WDR62: variants seen among roughly 807,000 people sequenced by gnomAD.
The protein encoded by WDR62 is WD repeat domain 62.
In WDR62, 112 loss-of-function variants were observed where a neutral mutation model predicts 160.6. The ratio of observed to expected loss-of-function variants is 0.70; its 90% CI spans 0.60 to 0.82. WDR62 has a LOEUF of 0.82. Ranked by LOEUF, WDR62 falls within the 40% of genes least tolerant of loss-of-function variation. The pLI is 0.00. For missense variants in WDR62, 1,819 were observed against 1,983.8 expected (o/e 0.92, Z 1.58); for synonymous variants, 792 against 815.1 (o/e 0.97, Z 0.48).
Position 36,071,578 on chromosome 19 carries a change from G to C in WDR62, c.905G>C (p.Cys302Ser), listed in dbSNP as rs774396949. 1 of 1,614,230 alleles carries C rather than the reference G, an allele frequency of 6.2e-7. No homozygotes were observed. Among genetic ancestry groups the C allele is most frequent in the African/African-American group, 1.3e-5 (1 of 75,048 alleles). ...NLKVSLSSCLCVSQELIFCGC... is the reference protein window; with the variant it reads ...NLKVSLSSCLSVSQELIFCGC... ...CAGGTCTCCCTGTCTTCCTGCCTCT[G>C]TGTCAGCCAGGAGCTCATCTTCTGT... Residue 302 changes from cysteine to serine, a missense_variant, in exon 8 of 32, where the codon TGT becomes TCT. Cys to Ser is a moderately radical substitution (Grantham distance 112, BLOSUM62 -1). Around this residue, in one of 3 missense-constraint regions of WDR62, gnomAD observed 934 missense variants for 1,157.2 expected, o/e 0.81. Coordinates refer to ENST00000401500, the MANE Select transcript of WDR62 (RefSeq NM_001083961.2).
chr19:36,109,543 G>A (rs1004742307), downstream of WDR62, among the ~76,000 whole-genome samples: 3 of 151,912 alleles, frequency 2.0e-5, no homozygotes, highest in African/African-American at 7.3e-5. Context: ...AGACCAGCCT[G>A]CCCAACATGG....
chr19:36,104,076 G>C, intron 30 of WDR62, 95 bp downstream of exon 30: 3 of 1,476,814 alleles, frequency 2.0e-6, no homozygotes, highest in Non-Finnish European at 2.8e-6. Context: ...TGGCCACAGG[G>C]ACTGTGCCAT....
At chr19:36,102,293 G>A (rs1208034219) in intron 26 of WDR62, 142 bp downstream of exon 26, 31 of 1,244,182 alleles carry the variant, frequency 2.5e-5, no homozygotes, top group Non-Finnish European at 3.1e-5. Context: ...ACGGAGTCTC[G>A]CTCTGTTGCC....
chr19:36,104,515 C>CA lies in WDR62; in HGVS notation c.4154-2dup, dbSNP rs1568373970. 2 of 1,613,638 alleles carry CA rather than the reference C, an allele frequency of 1.2e-6. No homozygotes were observed. The highest frequency in any genetic ancestry group is 1.7e-6 in the Non-Finnish European group (2 of 1,179,876). ...CTTGCTCATTCCCTTCTCTCTACCCCAGGTGCACTTGGTCTGTTACAGGGC... is the reference window on the plus strand; with the variant it reads ...CTTGCTCATTCCCTTCTCTCTACCCCAAGGTGCACTTGGTCTGTTACAGGGC... On this transcript the variant is annotated splice_polypyrimidine_tract_variant and splice_region_variant and intron_variant, in intron 30 of 31. Transcript: ENST00000401500.
chr19:36,102,792 C>G lies in WDR62; in HGVS notation c.3276C>G (p.Phe1092Leu), dbSNP rs551013571. ...AGGCCTCTGAAGCTGAAGACCACTT[C>G]TTCAACCCACGCCTGAGTATCTCCA... is the stretch of plus-strand genomic sequence containing the variant. ...DVEASEAEDH[F>L]FNPRLSISTQ... is the part of the protein sequence containing the mutation. Residue 1092 changes from phenylalanine to leucine, a missense_variant, in exon 27 of 32, where the codon TTC (phenylalanine) becomes TTG (leucine). Transcript: ENST00000401500. 7.4e-6 allele frequency: 12 copies of G among 1,614,234 alleles called. No individual in the cohort carries two copies. In the Admixed American group the frequency reaches 1.7e-4, roughly 22 times the overall value.
intron 24 of WDR62, 131 bp from the exon 25 acceptor site, chr19:36,101,533 T>C: frequency 1.2e-6 from 1 of 823,112 alleles, no homozygotes; most frequent in South Asian, 1.5e-5. Context: ...CCCTTATTCA[T>C]AAAATGGGGG....
At chr19:36,088,348 A>G (rs967971187) in intron 13 of WDR62, among the ~76,000 whole-genome samples, 11 of 152,256 alleles carry the variant, frequency 7.2e-5, no homozygotes, top group Non-Finnish European at 1.2e-4. Context: ...GAATGTTTCT[A>G]ATGCTTACCA....
At chr19:36,109,609 C>T (rs1221938849), downstream of WDR62, among the ~76,000 whole-genome samples, 1 of 151,710 alleles carries the variant, frequency 6.6e-6, no homozygotes, top group Non-Finnish European at 1.5e-5. Context: ...TGGTGCGCAC[C>T]TGTAGTCCCA....
intron 15 of WDR62, among the ~76,000 whole-genome samples, chr19:36,090,138 CA>C (rs1376122428): frequency 1.3e-5 from 2 of 152,162 alleles, no homozygotes; most frequent in African/African-American, 4.8e-5. Flanking sequence ...AGGAGCGAGC[CA>C]GGGGGAGGCA....
chr19:36,069,256 G>A (rs1269176028), intron 7 of WDR62, among the ~76,000 whole-genome samples: 1 of 146,330 alleles, frequency 6.8e-6, no homozygotes, highest in Non-Finnish European at 1.5e-5. Context: ...CGGGCGGAGG[G>A]GCTCCTCACT....
chr19:36,101,750 G>A lies in WDR62; in HGVS notation c.3058G>A (p.Ala1020Thr), dbSNP rs144120866. ...APPPDPAPRF[A>T]TSLPHFPGCA... is the part of the protein sequence containing the mutation. ...GCCTCCTGACCCTGCCCCTCGGTTT[G>A]CCACGTCGCTGCCCCATTTCCCAGG... Residue 1020 changes from alanine (A) to threonine (T), a missense_variant, in exon 25 of 32, where the codon GCC (alanine) becomes ACC (threonine). This residue lies in a region of WDR62 where 770 missense variants were observed against 734.2 expected (regional missense o/e 1.05). Coordinates refer to ENST00000401500, the MANE Select transcript of WDR62 (RefSeq NM_001083961.2). 97 of 1,551,992 alleles carry A rather than the reference G, an allele frequency of 6.3e-5. No individual in the cohort carries two copies. In the African/African-American group the frequency reaches 1.2e-3, roughly 19 times the overall value.
At chr19:36,067,513 G>C in intron 6 of WDR62, 70 bp downstream of exon 6, 1 of 1,605,856 alleles carries the variant, frequency 6.2e-7, no homozygotes, top group Non-Finnish European at 8.5e-7. Flanking sequence ...ATGGTCTCCT[G>C]TTTCTCCCTG....
intron 20 of WDR62, among the ~76,000 whole-genome samples, chr19:36,096,612 G>A (rs1972974927): frequency 6.6e-6 from 1 of 151,938 alleles, no homozygotes; most frequent in South Asian, 2.1e-4. Flanking sequence ...TTGGGAGGCT[G>A]AGGCAGGAGA....
chr19:36,104,015 A>G (rs904702869), intron 30 of WDR62, 34 bp downstream of exon 30: 1 of 1,596,586 alleles, frequency 6.3e-7, no homozygotes, highest in African/African-American at 1.3e-5. Context: ...ACTGTCCCCT[A>G]AGCTCATCCT....
Position 36,067,946 on chromosome 19 carries a change from C to G in WDR62, c.818C>G (p.Ser273Cys). 1 of 1,614,172 alleles carries G rather than the reference C, an allele frequency of 6.2e-7. No homozygotes were observed. Among genetic ancestry groups the G allele is most frequent in the Non-Finnish European group, 8.5e-7 (1 of 1,180,028 alleles). Reference sequence around the variant, plus strand: ...ATGGCGGGCAGTACCTTCTGTGTGTCCTACTCGGGCCTCCTCTGCCAGTTC... The same window carrying G: ...ATGGCGGGCAGTACCTTCTGTGTGTGCTACTCGGGCCTCCTCTGCCAGTTC... ...GRMAGSTFCV[S>C]YSGLLCQFNE... The change falls in exon 7 of 32, where the codon TCC becomes TGC. Residue 273 changes from serine to cysteine, a missense_variant. By Grantham distance (112) the Ser-to-Cys change is moderately radical. This residue lies in a region of WDR62 where 934 missense variants were observed against 1,157.2 expected (regional missense o/e 0.81). Coordinates refer to ENST00000401500, the MANE Select transcript of WDR62 (RefSeq NM_001083961.2).
At chr19:36,067,613 C>T (rs1568330345) in intron 6 of WDR62, among the ~76,000 whole-genome samples, 170 bp downstream of exon 6, 1 of 152,228 alleles carries the variant, frequency 6.6e-6, no homozygotes, top group Non-Finnish European at 1.5e-5. Flanking sequence ...GATGCACAGG[C>T]CCTGCCAGGA....
At chr19:36,083,022 C>A (rs1304596472) in intron 10 of WDR62, 41 bp from the exon 11 acceptor site, 1 of 1,588,072 alleles carries the variant, frequency 6.3e-7, no homozygotes, top group African/African-American at 1.3e-5. Flanking sequence ...AGAGGTGCTT[C>A]TGAGCTGCTC....
At chr19:36,101,826 G>T (rs779890849) in intron 25 of WDR62, 52 bp downstream of exon 25, 16 of 1,519,240 alleles carry the variant, frequency 1.1e-5, no homozygotes, top group Non-Finnish European at 1.4e-5. Flanking sequence ...CTGGCTTAGG[G>T]CCAGTCACAA....
chr19:36,100,626 A>G, intron 22 of WDR62, 122 bp from the exon 23 acceptor site: 4 of 1,448,324 alleles, frequency 2.8e-6, no homozygotes, highest in Non-Finnish European at 3.8e-6. Context: ...TTGCGAGTGG[A>G]GGGCATGGCA....
Sources: gnomAD v4.1 joint callset for allele counts (sites outside exome capture counted in the v4.1 genomes callset) on GRCh38, gnomAD v4.1.1 for gene constraint, gnomAD v4.1.1 regional missense constraint, MANE v1.5 for transcripts, NCBI Gene and HGNC (gene_info 2026-07-23, HGNC 2026-07-21) for gene names.